DGKB: variants seen among roughly 807,000 people sequenced by gnomAD.
DGKB encodes 90 kDa diacylglycerol kinase.
A neutral mutation model predicts 114.3 loss-of-function variants in DGKB; 67 were observed. The observed-to-expected ratio is 0.59, with a 90% CI of 0.48 to 0.72. The LOEUF (loss-of-function observed/expected upper bound fraction) is 0.72, where lower values mean the gene tolerates loss of function less well. Among genes scored for constraint, DGKB ranks in the 30% least tolerant of loss-of-function variants. The pLI is 0.00. For synonymous variants in DGKB, 398 were observed against 323.1 expected, an observed-to-expected ratio of 1.23 and a Z score of -2.49; for missense variants, 907 against 975.2, an observed-to-expected ratio of 0.93 and a Z score of 0.93.
intron 1 of DGKB, among the ~76,000 whole-genome samples, chr7:14,913,274 A>G (rs1304075200): frequency 6.6e-6 from 1 of 151,896 alleles, no homozygotes; most frequent in Non-Finnish European, 1.5e-5. Context: ...TGGAAAATAT[A>G]CGATTTCACC....
At chr7:14,258,087 G>A (rs1261674427) in intron 23 of DGKB, among the ~76,000 whole-genome samples, 3 of 152,138 alleles carry the variant, frequency 2.0e-5, no homozygotes, top group African/African-American at 7.2e-5. Context: ...ATAGCAGTGT[G>A]AGAATGGACT....
At chr7:14,485,487 G>C (rs1293800992) in intron 20 of DGKB, among the ~76,000 whole-genome samples, 1 of 152,074 alleles carries the variant, frequency 6.6e-6, no homozygotes, top group Admixed American at 6.6e-5. Flanking sequence ...AAATAACTTA[G>C]AGACTTGGAG....
At chr7:14,740,505 CT>C (rs1285121138) in intron 4 of DGKB, among the ~76,000 whole-genome samples, 2 of 152,126 alleles carry the variant, frequency 1.3e-5, no homozygotes, top group African/African-American at 4.8e-5. Flanking sequence ...TAGCATTTGG[CT>C]TATGACAAGG....
intron 2 of DGKB, among the ~76,000 whole-genome samples, chr7:14,805,107 A>T (rs1842635728): frequency 6.6e-6 from 1 of 151,972 alleles, no homozygotes; most frequent in Non-Finnish European, 1.5e-5. Context: ...CTTTATAGAA[A>T]TTTTTTAGTT....
chr7:14,220,380 A>C (rs1789739874), intron 23 of DGKB, among the ~76,000 whole-genome samples: 1 of 151,388 alleles, frequency 6.6e-6, no homozygotes, highest in Admixed American at 6.6e-5. Context: ...GTTGAAGACT[A>C]TTGTCTCCAT....
intron 20 of DGKB, among the ~76,000 whole-genome samples, chr7:14,534,751 T>C (rs1355700212): frequency 1.3e-5 from 2 of 152,198 alleles, no homozygotes; most frequent in African/African-American, 4.8e-5. Flanking sequence ...ATACATTTTC[T>C]TTTAAAGCAC....
intron 23 of DGKB, among the ~76,000 whole-genome samples, chr7:14,263,502 C>G (rs1797058519): frequency 6.6e-6 from 1 of 152,172 alleles, no homozygotes; most frequent in African/African-American, 2.4e-5. Context: ...CTCTGGGTTT[C>G]TGTACATGAC....
At chr7:14,692,466 C>T (rs1269781278) in intron 9 of DGKB, among the ~76,000 whole-genome samples, 1 of 151,886 alleles carries the variant, frequency 6.6e-6, no homozygotes, top group Non-Finnish European at 1.5e-5. Context: ...CTTAAAATGT[C>T]AACATTTTGT....
chr7:14,254,530 C>T (rs773976696), intron 23 of DGKB, among the ~76,000 whole-genome samples: 1 of 151,998 alleles, frequency 6.6e-6, no homozygotes, highest in Non-Finnish European at 1.5e-5. Context: ...ACCCAGCAAC[C>T]CTGAATCTTA....
At chr7:14,634,481 T>TAC (rs34758174) in intron 13 of DGKB, among the ~76,000 whole-genome samples, 26,139 of 144,908 alleles carry the variant, frequency 0.18, 2,287 homozygotes, top group African/African-American at 0.21. Flanking sequence ...TACAAAGTGA[T>TAC]ACACACACAC....
chr7:14,751,734 A>G (rs1257623671), intron 4 of DGKB, among the ~76,000 whole-genome samples: 1 of 152,180 alleles, frequency 6.6e-6, no homozygotes, highest in Non-Finnish European at 1.5e-5. Flanking sequence ...ACATGGTGGA[A>G]GGAAATTACT....
At chr7:14,322,521 G>T (rs909179713) in intron 23 of DGKB, among the ~76,000 whole-genome samples, 2 of 151,960 alleles carry the variant, frequency 1.3e-5, no homozygotes, top group Non-Finnish European at 2.9e-5. Context: ...AGCCAATAAA[G>T]CTTCTCAAAA....
intron 2 of DGKB, among the ~76,000 whole-genome samples, chr7:14,803,089 C>CTTT (rs889298167): frequency 6.8e-6 from 1 of 146,684 alleles, no homozygotes; most frequent in African/African-American, 2.5e-5. Context: ...TTTGCACAAA[C>CTTT]TTTTTTTTTT....
At chr7:14,433,910 A>C (rs1828860146) in intron 21 of DGKB, among the ~76,000 whole-genome samples, 1 of 152,170 alleles carries the variant, frequency 6.6e-6, no homozygotes, top group Admixed American at 6.6e-5. Flanking sequence ...AATTTTATAA[A>C]ATATTTTAAT....
intron 20 of DGKB, among the ~76,000 whole-genome samples, chr7:14,516,590 A>G (rs1054534359): frequency 6.6e-6 from 1 of 152,164 alleles, no homozygotes; most frequent in Admixed American, 6.5e-5. Flanking sequence ...TGCAAGAAAG[A>G]TGTGAGGGAA....
In DGKB at chr7:14,891,596, T is replaced by C. The variant is rs567193057; in HGVS notation, c.-188+10996A>G. 1.6e-4 allele frequency among the ~76,000 whole-genome samples: 25 copies of C among 151,596 alleles called. No individual in the cohort carries two copies. The South Asian group carries it at 4.2e-3, about 25-fold the overall frequency. On this transcript the variant is annotated intron_variant, in intron 1 of 25. Transcript: ENST00000402815. ...AGGGACCATGTTATGAAGCTTTGCG[T>C]AAAAGCAAGGGATACAGAGAAGGTT...
At chr7:14,586,987 G>T (rs1214584095) in intron 17 of DGKB, among the ~76,000 whole-genome samples, 1 of 152,146 alleles carries the variant, frequency 6.6e-6, no homozygotes, top group South Asian at 2.1e-4. Flanking sequence ...ACATTCTGCA[G>T]CTCGTCGATC....
At chr7:14,206,917 A>G (rs1468303359) in intron 23 of DGKB, among the ~76,000 whole-genome samples, 1 of 152,102 alleles carries the variant, frequency 6.6e-6, no homozygotes, top group Non-Finnish European at 1.5e-5. Context: ...CACAACTCAT[A>G]TCAGTTATTA....
chr7:14,922,419 A>G (rs931890182), intron 1 of DGKB, among the ~76,000 whole-genome samples: 1 of 128,530 alleles, frequency 7.8e-6, no homozygotes, highest in African/African-American at 3.4e-5. Flanking sequence ...TGTGTGTATC[A>G]GACTTATTAG....
Sources: gnomAD v4.1 joint callset for allele counts (sites outside exome capture counted in the v4.1 genomes callset) on GRCh38, gnomAD v4.1.1 for gene constraint, MANE v1.5 for transcripts, NCBI Gene and HGNC (gene_info 2026-07-23, HGNC 2026-07-21) for gene names.